Variants in PTPRQ observed in about 807,000 individuals in gnomAD.
PTPRQ encodes the protein protein tyrosine phosphatase receptor type Q, also known as phosphatidylinositol phosphatase PTPRQ.
Under a neutral mutation model 246.0 loss-of-function variants are expected in PTPRQ, and 199 were observed. The observed-to-expected ratio is 0.81, with a 90% confidence interval of 0.72 to 0.91. The LOEUF (loss-of-function observed/expected upper bound fraction) is 0.91, where lower values mean the gene tolerates loss of function less well. Among genes scored for constraint, PTPRQ ranks in the 40% least tolerant of loss-of-function variants. The probability of loss-of-function intolerance (pLI) is 0.00; values close to 1 mark genes in which losing one functional copy is unlikely to be tolerated. For synonymous variants in PTPRQ, 869 were observed against 853.2 expected (o/e 1.02, Z -0.32); for missense variants, 2,624 against 2,528.4 (o/e 1.04, Z -0.81).
chr12:80,498,888 C>A (rs1193595517), intron 14 of PTPRQ, among the ~76,000 whole-genome samples: 2 of 86,370 alleles, frequency 2.3e-5, no homozygotes, highest in Non-Finnish European at 4.7e-5. Context: ...TAATCTTTTA[C>A]TTAGTATTGA....
chr12:80,551,132 C>A (rs1373269107), intron 25 of PTPRQ, among the ~76,000 whole-genome samples: 1 of 152,112 alleles, frequency 6.6e-6, no homozygotes, highest in Non-Finnish European at 1.5e-5. Flanking sequence ...CACATTCACC[C>A]AAATTGTTGA....
chr12:80,468,817 G>C lies in PTPRQ; in HGVS notation c.1018G>C (p.Val340Leu), dbSNP rs1018196233. 1.2e-5 allele frequency: 19 copies of C among 1,549,406 alleles called. No individual in the cohort carries two copies. The Admixed American group carries it at 2.4e-4, about 19-fold the overall frequency. Residue 340 changes from valine (V) to leucine (L), a missense_variant, in exon 7 of 45, where the codon GTT (valine) becomes CTT (leucine). Val to Leu is a conservative substitution (Grantham distance 32). Transcript: ENST00000644991. ...TIVTGKFSYR[V>L]ELYGPSGRIL... ...AGTAACAGGGAAATTTAGTTATAGA[G>C]TTGAATTATATGGACCATCAGGTAA... is the stretch of plus-strand genomic sequence containing the variant.
At chr12:80,495,706 A>G (rs1158798526) in intron 12 of PTPRQ, among the ~76,000 whole-genome samples, 1 of 152,040 alleles carries the variant, frequency 6.6e-6, no homozygotes, top group Non-Finnish European at 1.5e-5. Flanking sequence ...AAATCAGCTG[A>G]AGTAATTCAG....
At chr12:80,533,709 T>A (rs954588570) in intron 17 of PTPRQ, among the ~76,000 whole-genome samples, 1 of 152,106 alleles carries the variant, frequency 6.6e-6, no homozygotes, top group African/African-American at 2.4e-5. Context: ...AAGGGAATAC[T>A]GTAATTACTT....
At chr12:80,620,122 G>A (rs1262761967) in intron 31 of PTPRQ, 32 bp from the exon 32 acceptor site, 1 of 1,508,578 alleles carries the variant, frequency 6.6e-7, no homozygotes, top group Admixed American at 2.4e-5. Context: ...TATGTTACTT[G>A]GAATTATTGT....
chr12:80,640,455 T>G lies in PTPRQ; in HGVS notation c.5915+5382T>G, dbSNP rs551164416. 8.5e-5 allele frequency among the ~76,000 whole-genome samples: 13 copies of G among 152,326 alleles called. No individual in the cohort carries two copies. In the South Asian group the frequency reaches 2.7e-3, roughly 32 times the overall value. ...ATGGCAAAAATTTGTGAATTCGGAATACAAGAAATGTTCTATGCTTAGAAT... is the reference window on the plus strand; with the variant it reads ...ATGGCAAAAATTTGTGAATTCGGAAGACAAGAAATGTTCTATGCTTAGAAT... On this transcript the variant is annotated intron_variant, in intron 35 of 44. Transcript: ENST00000644991.
chr12:80,580,644 A>G (rs1897404570), intron 25 of PTPRQ, among the ~76,000 whole-genome samples: 2 of 152,336 alleles, frequency 1.3e-5, no homozygotes, highest in Admixed American at 6.5e-5. Flanking sequence ...ATTGTCTACA[A>G]GTTATACCAT....
rs1900881634 is a variant in PTPRQ, at chr12:80,669,102, A to G, written c.6288A>G (p.Lys2096=). Residue 2096 remains lysine (K), a synonymous_variant, in exon 40 of 45, where the codon AAA becomes AAG. Transcript: ENST00000644991. ...FWRMVWETRA[K]TLVMLTQCFE... ...GAATGGTGTGGGAAACCAGAGCAAA[A>G]ACATTAGTAATGCTAACACAGTGTT... 1 of 1,550,496 alleles carries G rather than the reference A, an allele frequency of 6.4e-7. No individual in the cohort carries two copies. The highest frequency in any genetic ancestry group is 8.7e-7 in the Non-Finnish European group (1 of 1,146,080).
intron 19 of PTPRQ, 33 bp downstream of exon 19, chr12:80,535,070 A>AACATCCTTAAG (rs1895947009): frequency 6.8e-7 from 1 of 1,470,692 alleles, no homozygotes; most frequent in Admixed American, 3.0e-5. Flanking sequence ...GTTCTTTATT[A>AACATCCTTAAG]ACATCCTTAA....
chr12:80,457,265 T>C (rs573118531), intron 3 of PTPRQ, among the ~76,000 whole-genome samples: 28 of 152,224 alleles, frequency 1.8e-4, no homozygotes, highest in African/African-American at 6.7e-4. Context: ...AGTGGATATA[T>C]CAGAGAAAGA....
chr12:80,523,028 C>A (rs1391430565), intron 17 of PTPRQ, among the ~76,000 whole-genome samples: 3 of 152,070 alleles, frequency 2.0e-5, no homozygotes, highest in African/African-American at 4.8e-5. Flanking sequence ...TTAATTATTG[C>A]CTCAATTTCA....
chr12:80,521,840 A>G (rs1282835950), intron 17 of PTPRQ, among the ~76,000 whole-genome samples: 1 of 152,162 alleles, frequency 6.6e-6, no homozygotes, highest in African/African-American at 2.4e-5. Context: ...TGACTTGGCA[A>G]TGTGGGCTCT....
At chr12:80,518,696 G>C (rs1357213162) in intron 17 of PTPRQ, among the ~76,000 whole-genome samples, 1 of 152,108 alleles carries the variant, frequency 6.6e-6, no homozygotes, top group East Asian at 1.9e-4. Flanking sequence ...TCTGCATATG[G>C]ATATCCAGTT....
intron 25 of PTPRQ, among the ~76,000 whole-genome samples, chr12:80,579,336 A>C (rs1272613894): frequency 6.6e-6 from 1 of 152,018 alleles, no homozygotes; most frequent in Non-Finnish European, 1.5e-5. Context: ...TTTTCTTATG[A>C]CTGCCTTACA....
chr12:80,510,199 G>C (rs1476812915), intron 16 of PTPRQ, 124 bp from the exon 17 acceptor site: 1 of 1,003,378 alleles, frequency 1.0e-6, no homozygotes, highest in African/African-American at 1.7e-5. Context: ...TGTGCTTCTG[G>C]AGAAAAGCAC....
chr12:80,602,822 A>T (rs960176108), intron 26 of PTPRQ, among the ~76,000 whole-genome samples: 4 of 151,800 alleles, frequency 2.6e-5, no homozygotes, highest in East Asian at 3.9e-4. Context: ...CACTTGAACC[A>T]GATATACTGC....
At chr12:80,445,813 A>C (rs1892537271) in intron 3 of PTPRQ, 96 bp downstream of exon 3, 1 of 810,928 alleles carries the variant, frequency 1.2e-6, no homozygotes, top group Non-Finnish European at 2.0e-6. Flanking sequence ...TTTACAGCTG[A>C]ATACAGTCAG....
In PTPRQ at chr12:80,542,333, C is replaced by T; in HGVS notation, c.3690C>T (p.Ser1230=). ...GAACTAGAAAAGGACTTGGTCCTTC[C>T]AGTATTCTTTTCTTTTACACAGATG... ...AARTRKGLGP[S]SILFFYTDES... is the part of the protein sequence containing the mutation. Residue 1230 remains serine (S), a synonymous_variant, in exon 22 of 45, where the codon TCC becomes TCT. Transcript: ENST00000644991. 6.5e-7 allele frequency: 1 copy of T among 1,545,170 alleles called. No homozygotes were observed. Among genetic ancestry groups the T allele is most frequent in the Non-Finnish European group, 8.7e-7 (1 of 1,145,444 alleles).
chr12:80,546,857 A>G, intron 24 of PTPRQ, 160 bp downstream of exon 24: 1 of 810,850 alleles, frequency 1.2e-6, no homozygotes, highest in Non-Finnish European at 1.9e-6. Context: ...GTGTGAAATC[A>G]TATGCTGTAT....
Sources: gnomAD v4.1 joint callset for allele counts (sites outside exome capture counted in the v4.1 genomes callset) on GRCh38, gnomAD v4.1.1 for gene constraint, MANE v1.5 for transcripts, NCBI Gene and HGNC (gene_info 2026-07-23, HGNC 2026-07-21) for gene names.